The following HMCN1 variants were observed in gnomAD, a reference collection of about 807,000 sequenced individuals.
The protein encoded by HMCN1 is hemicentin-1.
A neutral mutation model predicts 625.9 loss-of-function variants in HMCN1; 321 were observed. The ratio of observed to expected loss-of-function variants is 0.51; its 90% confidence interval spans 0.47 to 0.56. The LOEUF (loss-of-function observed/expected upper bound fraction) is 0.56. Among genes scored for constraint, HMCN1 ranks in the 20% least tolerant of loss-of-function variants. The probability of loss-of-function intolerance (pLI) is 0.00; values close to 1 mark genes in which losing one functional copy is unlikely to be tolerated. For missense variants in HMCN1, 6,588 were observed against 6,887.3 expected (o/e 0.96, Z 1.54); for synonymous variants, 2,425 against 2,417.6 (o/e 1.00, Z -0.09).
At chr1:185,850,998 A>G (rs1662128762) in intron 2 of HMCN1, among the ~76,000 whole-genome samples, 1 of 152,196 alleles carries the variant, frequency 6.6e-6, no homozygotes, top group African/African-American at 2.4e-5. Context: ...TAAACATGAA[A>G]AGTCTAGTCT....
chr1:186,178,522 C>T lies in HMCN1; in HGVS notation c.16050C>T (p.Asp5350=), dbSNP rs370263142. The change falls in exon 104 of 107, where the codon GAC becomes GAT. Residue 5350 remains aspartate (D), a synonymous_variant. Coordinates refer to ENST00000271588, the MANE Select transcript of HMCN1 (RefSeq NM_031935.3). Reference sequence around the variant, plus strand: ...CACCAGGACAACATTTATTAGGGGACGGGAAATCTTGCGCTGGATTGGAGA... The same window carrying T: ...CACCAGGACAACATTTATTAGGGGATGGGAAATCTTGCGCTGGATTGGAGA... ...ICPPGQHLLG[D]GKSCAGLERL... The T allele has an allele frequency of 4.0e-5, 65 of 1,613,914 alleles. No individual in the cohort carries two copies. Among genetic ancestry groups the T allele is most frequent in the Middle Eastern group, 3.3e-4 (2 of 6,082 alleles).
At chr1:185,790,277 A>G (rs1439458589) in intron 1 of HMCN1, among the ~76,000 whole-genome samples, 1 of 152,188 alleles carries the variant, frequency 6.6e-6, no homozygotes, top group African/African-American at 2.4e-5. Flanking sequence ...ATTCCTTGTA[A>G]TAAAGCTACT....
At chr1:185,987,258 G>A (rs1177591904) in intron 19 of HMCN1, among the ~76,000 whole-genome samples, 174 bp from the exon 20 acceptor site, 1 of 151,720 alleles carries the variant, frequency 6.6e-6, no homozygotes, top group African/African-American at 2.4e-5. Flanking sequence ...CTACTTTATT[G>A]TCTTTGTTTA....
chr1:185,750,789 T>A (rs1161996625), intron 1 of HMCN1, among the ~76,000 whole-genome samples: 2 of 151,966 alleles, frequency 1.3e-5, no homozygotes, highest in African/African-American at 2.4e-5. Flanking sequence ...TTTTTGTTGA[T>A]CTTTCCCCCT....
At chr1:185,856,317 T>C (rs1437002262) in intron 2 of HMCN1, among the ~76,000 whole-genome samples, 1 of 151,902 alleles carries the variant, frequency 6.6e-6, no homozygotes, top group Non-Finnish European at 1.5e-5. Flanking sequence ...GGTGAAACGC[T>C]GTCTCTACTA....
At chr1:185,956,627 T>C (rs1253407145) in intron 11 of HMCN1, among the ~76,000 whole-genome samples, 10 of 152,156 alleles carry the variant, frequency 6.6e-5, no homozygotes, top group Non-Finnish European at 1.2e-4. Context: ...CTGGCTTTTT[T>C]TTTGGTTTTG....
chr1:186,013,372 T>C (rs890824927), intron 30 of HMCN1, among the ~76,000 whole-genome samples: 2 of 152,212 alleles, frequency 1.3e-5, no homozygotes, highest in African/African-American at 2.4e-5. Context: ...GACGCTGATA[T>C]TTATAGTAAG....
At chr1:185,893,865 A>G (rs1268961838) in intron 4 of HMCN1, among the ~76,000 whole-genome samples, 1 of 152,226 alleles carries the variant, frequency 6.6e-6, no homozygotes, top group Admixed American at 6.5e-5. Context: ...TATCCTGGAT[A>G]GCTAGCACTC....
chr1:186,036,792 A>G (rs1035118967), intron 36 of HMCN1, among the ~76,000 whole-genome samples: 1 of 151,734 alleles, frequency 6.6e-6, no homozygotes, highest in African/African-American at 2.4e-5. Flanking sequence ...GGATTTCACC[A>G]TGTTGGCCAG....
At chr1:185,906,310 TC>T (rs1170609021) in intron 4 of HMCN1, among the ~76,000 whole-genome samples, 1 of 151,820 alleles carries the variant, frequency 6.6e-6, no homozygotes, top group Non-Finnish European at 1.5e-5. Flanking sequence ...GATTTGAGAT[TC>T]TTGACAGAAG....
chr1:185,812,581 C>A (rs893284195), intron 1 of HMCN1, among the ~76,000 whole-genome samples: 1 of 152,046 alleles, frequency 6.6e-6, no homozygotes, highest in Non-Finnish European at 1.5e-5. Flanking sequence ...CAAAGCCCAC[C>A]TCTTATGAGG....
Position 186,016,165 on chromosome 1 carries a change from A to T in HMCN1, c.5117A>T (p.Asp1706Val), listed in dbSNP as rs1413603615. 6.2e-7 allele frequency: 1 copy of T among 1,613,540 alleles called. No individual in the cohort carries two copies. The change falls in exon 32 of 107, where the codon GAT (aspartate) becomes GTT (valine). Residue 1706 changes from aspartate to valine, a missense_variant. Physicochemically the swap from Asp to Val is radical, Grantham distance 152. Transcript: ENST00000271588. ...GAAATCATGAGTGCCCAAGAAATTGATCGAGGACAGTACATATGCGTGGCT... is the reference window on the plus strand; with the variant it reads ...GAAATCATGAGTGCCCAAGAAATTGTTCGAGGACAGTACATATGCGTGGCT... ...KLEIMSAQEI[D>V]RGQYICVATS... is the part of the protein sequence containing the mutation.
At chr1:185,923,346 A>G in intron 7 of HMCN1, 44 bp from the exon 8 acceptor site, 1 of 1,469,534 alleles carries the variant, frequency 6.8e-7, no homozygotes, top group African/African-American at 1.4e-5. Context: ...TATAACTTCA[A>G]TTGCTTGTTT....
intron 36 of HMCN1, 70 bp downstream of exon 36, chr1:186,023,223 T>G (rs926744639): frequency 1.0e-5 from 14 of 1,364,086 alleles, no homozygotes; most frequent in Non-Finnish European, 2.1e-6. Flanking sequence ...GGGCTCATTT[T>G]TATTGAATTA....
intron 12 of HMCN1, 114 bp downstream of exon 12, chr1:185,962,773 C>G: frequency 1.4e-6 from 1 of 739,198 alleles, no homozygotes; most frequent in East Asian, 2.5e-5. Context: ...GACCACAATA[C>G]TTAGCTTTAC....
chr1:185,746,818 G>C (rs1005081442), intron 1 of HMCN1, among the ~76,000 whole-genome samples: 3 of 151,894 alleles, frequency 2.0e-5, no homozygotes, highest in Non-Finnish European at 4.4e-5. Context: ...TGTTGGCCAG[G>C]CTTGTCTCAA....
chr1:185,886,925 A>G (rs1239193295), intron 4 of HMCN1, among the ~76,000 whole-genome samples: 3 of 152,140 alleles, frequency 2.0e-5, no homozygotes, highest in Non-Finnish European at 4.4e-5. Context: ...TCACCTTGCC[A>G]TCCAAATGTA....
At position 185,861,517 on chromosome 1, in the gene HMCN1, T is replaced by C. The variant is rs116313605; in HGVS notation, c.340-2953T>C. Among the ~76,000 whole-genome samples the C allele has an allele frequency of 7.3e-3, 1,119 of 152,316 alleles. 8 individuals carry two copies. Among genetic ancestry groups the C allele is most frequent in the Non-Finnish European group, 9.8e-3 (670 of 68,026 alleles). On this transcript the variant is annotated intron_variant, in intron 2 of 106. Coordinates refer to ENST00000271588, the MANE Select transcript of HMCN1 (RefSeq NM_031935.3). ...ATGTTTTTCTCTAAGCTTCTGAATA[T>C]ACAATAGGAATTTAAATTTTTTTGA...
intron 100 of HMCN1, among the ~76,000 whole-genome samples, chr1:186,169,267 C>CAATTT (rs1158842096): frequency 6.6e-6 from 1 of 152,034 alleles, no homozygotes; most frequent in East Asian, 1.9e-4. Context: ...CCATACTTCC[C>CAATTT]AATTTAATTT....
Sources: gnomAD v4.1 joint callset for allele counts (sites outside exome capture counted in the v4.1 genomes callset) on GRCh38, gnomAD v4.1.1 for gene constraint, MANE v1.5 for transcripts, NCBI Gene and HGNC (gene_info 2026-07-23, HGNC 2026-07-21) for gene names.